The following GPHN variants were observed in gnomAD, a reference collection of about 807,000 sequenced individuals.
GPHN encodes gephyrin.
GPHN carries 17 observed loss-of-function variants against 95.5 expected under a neutral mutation model. The ratio of observed to expected loss-of-function variants is 0.18; its 90% CI spans 0.12 to 0.27. The LOEUF (loss-of-function observed/expected upper bound fraction) is 0.27. GPHN is among the 10% of genes least tolerant of loss of function. The pLI, the probability that GPHN is intolerant of heterozygous loss-of-function variation, is 1.00. For missense variants in GPHN, 660 were observed against 978.1 expected (o/e 0.67, Z 4.34); for synonymous variants, 320 against 322.5 (o/e 0.99, Z 0.08).
At chr14:67,572,139 C>G in the GPHN span, 1 of 1,606,160 alleles carries the variant, frequency 6.2e-7, no homozygotes, top group Non-Finnish European at 8.5e-7. Context: ...GGCAAGGCGT[C>G]TCCATGTCCT....
chr14:67,296,925 G>C, the GPHN span, among the ~76,000 whole-genome samples: 1 of 152,126 alleles, frequency 6.6e-6, no homozygotes, highest in Non-Finnish European at 1.5e-5. Flanking sequence ...AGAGTACTGG[G>C]ATTACAGGCG....
At position 66,609,011 on chromosome 14, in the gene GPHN, T is replaced by C. The variant is rs141716520; in HGVS notation, c.65-72096T>C. On this transcript the variant is annotated intron_variant, in intron 1 of 22. Transcript: ENST00000478722. ...GGGTTGGCATTGATATGTGAAGTTT[T>C]GATACAGAAATTGTGTTTTTAGCTG... Among the ~76,000 whole-genome samples, 27 of 152,294 alleles carry C rather than the reference T, an allele frequency of 1.8e-4. No homozygotes were observed. The East Asian group carries it at 3.9e-3, about 22-fold the overall frequency.
chr14:67,734,509 CA>C, the GPHN span: 4 of 154,924 alleles, frequency 2.6e-5, no homozygotes, highest in Non-Finnish European at 5.7e-5. Context: ...ATCAGGAAAC[CA>C]GCCTGCTAGT....
At chr14:66,870,465 C>T (rs954553594) in intron 4 of GPHN, among the ~76,000 whole-genome samples, 1 of 152,252 alleles carries the variant, frequency 6.6e-6, no homozygotes, top group Admixed American at 6.5e-5. Context: ...CTGCAGAACC[C>T]CTAACTACTG....
chr14:67,128,257 C>A (rs897313085), intron 17 of GPHN, among the ~76,000 whole-genome samples: 15 of 149,976 alleles, frequency 1.0e-4, no homozygotes, highest in African/African-American at 3.7e-4. Flanking sequence ...AACCCTATTT[C>A]TACTTTTTTT....
At chr14:67,198,344 T>A in the GPHN span, 1 of 1,594,758 alleles carries the variant, frequency 6.3e-7, no homozygotes, top group African/African-American at 1.3e-5. Context: ...AAGGCCTGAG[T>A]TAAGTTCCAA....
chr14:66,711,885 C>A (rs917487602), intron 2 of GPHN, among the ~76,000 whole-genome samples: 11 of 152,056 alleles, frequency 7.2e-5, no homozygotes, highest in Non-Finnish European at 1.3e-4. Context: ...ATGATGGCTT[C>A]CAGCTTCATC....
At chr14:67,670,359 A>G in the GPHN span, among the ~76,000 whole-genome samples, 3 of 151,948 alleles carry the variant, frequency 2.0e-5, no homozygotes, top group African/African-American at 7.3e-5. Context: ...CATACATTCT[A>G]AGCTCCAGAG....
chr14:67,276,667 C>G, the GPHN span, among the ~76,000 whole-genome samples: 2 of 152,160 alleles, frequency 1.3e-5, no homozygotes, highest in African/African-American at 2.4e-5. Context: ...TCTTTGCTTT[C>G]TCTCCCAGTA....
the GPHN span, among the ~76,000 whole-genome samples, chr14:67,734,745 C>T: frequency 6.6e-6 from 1 of 152,202 alleles, no homozygotes; most frequent in African/African-American, 2.4e-5. Context: ...GGCCTAACTG[C>T]CTTAGGAAAT....
chr14:67,523,643 T>A, the GPHN span, among the ~76,000 whole-genome samples: 1 of 152,268 alleles, frequency 6.6e-6, no homozygotes, highest in Non-Finnish European at 1.5e-5. Context: ...GGCCATGCTG[T>A]ATCTCTACCA....
the GPHN span, among the ~76,000 whole-genome samples, chr14:67,701,383 C>G: frequency 6.8e-6 from 1 of 147,314 alleles, no homozygotes; most frequent in Non-Finnish European, 1.5e-5. Context: ...AACTTAATCA[C>G]ATATACATTT....
intron 12 of GPHN, among the ~76,000 whole-genome samples, chr14:67,095,681 A>T (rs1264765621): frequency 6.6e-6 from 1 of 152,088 alleles, no homozygotes; most frequent in African/African-American, 2.4e-5. Flanking sequence ...TCGCAAGGAC[A>T]AAAAACCAAA....
the GPHN span, chr14:67,533,572 T>G: frequency 6.6e-6 from 1 of 151,690 alleles, no homozygotes; most frequent in African/African-American, 2.4e-5. Context: ...GGGTCTGGCT[T>G]GGGAAGCCGG....
intron 5 of GPHN, among the ~76,000 whole-genome samples, chr14:66,910,355 A>G (rs1009774961): frequency 6.6e-6 from 1 of 151,998 alleles, no homozygotes; most frequent in Non-Finnish European, 1.5e-5. Context: ...TAGTTGCTTT[A>G]TATCTGTCAT....
chr14:67,272,540 C>T, the GPHN span, among the ~76,000 whole-genome samples: 1 of 152,220 alleles, frequency 6.6e-6, no homozygotes, highest in East Asian at 1.9e-4. Flanking sequence ...GTTACTACTA[C>T]TACCACTATT....
chr14:67,113,099 G>C lies in GPHN; in HGVS notation c.1554G>C (p.Leu518=). ...TGGGCCCCTCAGAGATTGGTCTTCT[G>C]GCAACTGTAGGTGTCACAGAGGTTG... The part of the protein sequence containing the change: ...THMGPSEIGL[L]ATVGVTEVEV... The change falls in exon 16 of 23, where the codon CTG becomes CTC. Residue 518 remains leucine (L), a synonymous_variant. Transcript: ENST00000478722. 6.2e-7 allele frequency: 1 copy of C among 1,613,772 alleles called. No homozygotes were observed. The highest frequency in any genetic ancestry group is 8.5e-7 in the Non-Finnish European group (1 of 1,179,694).
chr14:67,577,982 G>A, the GPHN span: 1 of 1,583,678 alleles, frequency 6.3e-7, no homozygotes, highest in Non-Finnish European at 8.6e-7. Flanking sequence ...CTGAACCCAG[G>A]GGATGCTGGT....
chr14:66,819,135 T>C (rs1232843555), intron 3 of GPHN, among the ~76,000 whole-genome samples: 1 of 152,218 alleles, frequency 6.6e-6, no homozygotes, highest in Non-Finnish European at 1.5e-5. Flanking sequence ...CAATTGCTTT[T>C]AGTTTCTTTG....
Sources: allele counts gnomAD v4.1 joint callset (sites outside exome capture counted in the v4.1 genomes callset), GRCh38; gene constraint gnomAD v4.1.1; transcripts MANE v1.5; gene names NCBI Gene and HGNC (gene_info 2026-07-23, HGNC 2026-07-21).